Variants in RNF216 observed in about 807,000 individuals in gnomAD.
RNF216 encodes the protein ring finger protein 216.
A neutral mutation model predicts 110.8 loss-of-function variants in RNF216; 72 were observed. The observed-to-expected ratio is 0.65, with a 90% CI of 0.54 to 0.79. The LOEUF (loss-of-function observed/expected upper bound fraction) is 0.79, where lower values mean the gene tolerates loss of function less well. RNF216 is among the 30% of genes least tolerant of loss of function. The probability of loss-of-function intolerance (pLI) is 0.00; values close to 1 mark genes in which losing one functional copy is unlikely to be tolerated. For missense variants in RNF216, 1,342 were observed against 1,141.2 expected, an observed-to-expected ratio of 1.18 and a Z score of -2.54; for synonymous variants, 495 against 407.5, an observed-to-expected ratio of 1.21 and a Z score of -2.59.
chr7:5,777,677 A>C (rs1219425665), intron 1 of RNF216: 1 of 152,240 alleles, frequency 6.6e-6, no homozygotes, highest in South Asian at 2.1e-4. Flanking sequence ...AAGAAAACGA[A>C]AATTGTGTTA....
At chr7:5,627,013 C>T (rs912036886) in intron 15 of RNF216, among the ~76,000 whole-genome samples, 2 of 152,178 alleles carry the variant, frequency 1.3e-5, no homozygotes, top group Non-Finnish European at 2.9e-5. Context: ...ACTGCACAAC[C>T]ACCACTCTGC....
Position 5,737,660 on chromosome 7 carries a change from C to T in RNF216, c.1121+1616G>A, listed in dbSNP as rs547115333. On this transcript the variant is annotated intron_variant, in intron 5 of 16. Coordinates refer to ENST00000389902, the MANE Select transcript of RNF216 (RefSeq NM_207111.4). ...TGTACAAATTAGAAAAAAGTACCTA[C>T]ATTGGGCTAAGCACCTGGAAAGGGG... Among the ~76,000 whole-genome samples, 3 of 152,272 alleles carry T rather than the reference C, an allele frequency of 2.0e-5. No homozygotes were observed. In the East Asian group the frequency reaches 5.8e-4, roughly 29 times the overall value.
At chr7:5,647,713 T>C (rs910658811) in intron 14 of RNF216, among the ~76,000 whole-genome samples, 1 of 152,174 alleles carries the variant, frequency 6.6e-6, no homozygotes, top group African/African-American at 2.4e-5. Context: ...CTGAGAATCA[T>C]TCTAGACTCC....
At chr7:5,651,246 T>TGC (rs922397016) in intron 14 of RNF216, among the ~76,000 whole-genome samples, 2 of 151,950 alleles carry the variant, frequency 1.3e-5, no homozygotes, top group African/African-American at 4.8e-5. Context: ...TTTTTTGAGT[T>TGC]GGAGTCTCGC....
chr7:5,621,171 G>GATCTTTTTTTTT lies in RNF216; in HGVS notation c.*1688_*1689insAAAAAAAAAGAT, dbSNP rs201794175. ...AAAGGCAGAAAGAATGGGTATCTTA[G>GATCTTTTTTTTT]TTTTTTTTTTTTTTTTTTTAAAGAT... On this transcript the variant is annotated 3_prime_UTR_variant, in exon 17 of 17. Coordinates refer to ENST00000389902, the MANE Select transcript of RNF216 (RefSeq NM_207111.4). The GATCTTTTTTTTT allele has an allele frequency of 1.4e-5, 2 of 138,438 alleles. No homozygotes were observed. The highest frequency in any genetic ancestry group is 2.7e-5 in the African/African-American group (1 of 37,658). 8.6% of individuals were successfully genotyped at this position (138,438 alleles called of 1,614,324 possible).
intron 1 of RNF216, among the ~76,000 whole-genome samples, chr7:5,764,593 G>A (rs533899497): frequency 6.6e-6 from 1 of 151,538 alleles, no homozygotes; most frequent in East Asian, 1.9e-4. Flanking sequence ...GGTTGCAGTA[G>A]GCCAAGATTG....
chr7:5,713,497 G>C (rs1054694812), intron 11 of RNF216: 4 of 152,298 alleles, frequency 2.6e-5, no homozygotes, highest in African/African-American at 9.7e-5. Context: ...CTCAGTTTCA[G>C]AATGTTGGAA....
chr7:5,690,342 A>AAT (rs1269818307), intron 13 of RNF216, among the ~76,000 whole-genome samples: 1 of 151,956 alleles, frequency 6.6e-6, no homozygotes, highest in African/African-American at 2.4e-5. Context: ...AAAAAAAAAA[A>AAT]AGATTTTAAA....
chr7:5,749,964 T>C (rs1466972909), intron 3 of RNF216, among the ~76,000 whole-genome samples: 16 of 152,210 alleles, frequency 1.1e-4, no homozygotes, highest in Admixed American at 1.0e-3. Context: ...TCTTTTAAGG[T>C]TATTATAGCT....
chr7:5,723,700 T>C (rs1472480388), intron 8 of RNF216, among the ~76,000 whole-genome samples: 3 of 151,974 alleles, frequency 2.0e-5, no homozygotes, highest in Non-Finnish European at 4.4e-5. Flanking sequence ...TTCCCTCTAA[T>C]GTATTTTCCT....
chr7:5,757,149 T>C (rs1388254465), intron 2 of RNF216, among the ~76,000 whole-genome samples: 1 of 152,218 alleles, frequency 6.6e-6, no homozygotes, highest in African/African-American at 2.4e-5. Flanking sequence ...TCTTCTATAT[T>C]CATACAAGTG....
intron 5 of RNF216, among the ~76,000 whole-genome samples, 173 bp from the exon 6 acceptor site, chr7:5,730,990 C>A (rs1242290329): frequency 6.6e-6 from 1 of 152,168 alleles, no homozygotes; most frequent in African/African-American, 2.4e-5. Context: ...AACAACTGCA[C>A]TGAATTTCTA....
intron 8 of RNF216, among the ~76,000 whole-genome samples, chr7:5,722,369 G>GTTT (rs36102190): frequency 1.2e-4 from 17 of 143,602 alleles, no homozygotes; most frequent in African/African-American, 3.9e-4. Context: ...TCATTCTCAT[G>GTTT]TTTTTTTTTT....
chr7:5,702,058 G>C (rs964791705), intron 13 of RNF216, among the ~76,000 whole-genome samples: 2 of 152,182 alleles, frequency 1.3e-5, no homozygotes, highest in African/African-American at 2.4e-5. Flanking sequence ...CGACATCTGA[G>C]GCCCCAGGTC....
intron 15 of RNF216, among the ~76,000 whole-genome samples, chr7:5,633,457 C>G (rs1352530475): frequency 6.6e-6 from 1 of 152,022 alleles, no homozygotes; most frequent in Non-Finnish European, 1.5e-5. Context: ...CACCTGTAAT[C>G]CCAGCTACTC....
intron 13 of RNF216, among the ~76,000 whole-genome samples, chr7:5,697,477 G>A (rs1037019700): frequency 5.3e-5 from 8 of 152,242 alleles, no homozygotes; most frequent in Non-Finnish European, 1.0e-4. Flanking sequence ...AAGATGAAGT[G>A]TCAGGCAAGG....
At position 5,693,116 on chromosome 7, in the gene RNF216, T is replaced by C. The variant is rs542759424; in HGVS notation, c.2061+18645A>G. 1.3e-4 allele frequency among the ~76,000 whole-genome samples: 20 copies of C among 152,376 alleles called. No individual in the cohort carries two copies. In the South Asian group the frequency reaches 3.5e-3, roughly 27 times the overall value. ...TTCTTTTAAACGCTATGGTATATGC[T>C]ACGGGTTGGCAAACTACAGCTCACT... On this transcript the variant is annotated intron_variant, in intron 13 of 16. Transcript: ENST00000389902.
In RNF216 at chr7:5,741,406, G is replaced by C; in HGVS notation, c.611C>G (p.Ser204Ter). Residue 204 changes from serine (S) to a stop codon, truncating the protein, a stop_gained, in exon 4 of 17, where the codon TCA (serine) becomes TGA (stop). Coordinates refer to ENST00000389902, the MANE Select transcript of RNF216 (RefSeq NM_207111.4). LOFTEE classifies it high-confidence loss of function. The part of the protein sequence containing the change: ...LETQNQSSED[S>*]ETELLSNLGE... ...TAGATTTGATAACAGCTCTGTCTCT[G>C]AGTCTTCGGATGACTGGTTCTGAGT... is the stretch of plus-strand genomic sequence containing the variant. The C allele has an allele frequency of 1.2e-6, 2 of 1,614,198 alleles. No individual in the cohort carries two copies. Among genetic ancestry groups the C allele is most frequent in the Non-Finnish European group, 1.7e-6 (2 of 1,180,036 alleles).
At chr7:5,652,582 G>A (rs1788464333) in intron 13 of RNF216, 72 bp from the exon 14 acceptor site, 9 of 985,952 alleles carry the variant, frequency 9.1e-6, no homozygotes, top group East Asian at 7.2e-5. Context: ...TTCAACAAAA[G>A]GGATATGAAA....
Sources: allele counts gnomAD v4.1 joint callset (sites outside exome capture counted in the v4.1 genomes callset), GRCh38; gene constraint gnomAD v4.1.1; transcripts MANE v1.5; gene names NCBI Gene and HGNC (gene_info 2026-07-23, HGNC 2026-07-21).